DCLK1: variants seen among roughly 807,000 people sequenced by gnomAD.
The protein encoded by DCLK1 is doublecortin like kinase 1.
Under a neutral mutation model 86.2 loss-of-function variants are expected in DCLK1, and 16 were observed. The observed-to-expected ratio is 0.19, with a 90% CI of 0.13 to 0.28. The LOEUF (loss-of-function observed/expected upper bound fraction) is 0.28, where lower values mean the gene tolerates loss of function less well. Among genes scored for constraint, DCLK1 ranks in the 10% least tolerant of loss-of-function variants. The pLI is 1.00. For synonymous variants in DCLK1, 369 were observed against 370.5 expected (o/e 1.00, Z 0.05); for missense variants, 590 against 940.2 (o/e 0.63, Z 4.87).
chr13:36,089,326 C>A (rs1386359443), intron 3 of DCLK1, among the ~76,000 whole-genome samples: 1 of 152,178 alleles, frequency 6.6e-6, no homozygotes, highest in Non-Finnish European at 1.5e-5. Flanking sequence ...GGCCAGATGG[C>A]CTAGAGACCT....
At chr13:35,823,876 C>A (rs2087457113) in intron 10 of DCLK1, among the ~76,000 whole-genome samples, 1 of 152,240 alleles carries the variant, frequency 6.6e-6, no homozygotes, top group Admixed American at 6.5e-5. Context: ...CTCTGTGCCC[C>A]TGTACAGTCT....
chr13:35,942,549 C>A (rs988440327), intron 4 of DCLK1, among the ~76,000 whole-genome samples: 3 of 152,208 alleles, frequency 2.0e-5, no homozygotes, highest in African/African-American at 7.2e-5. Flanking sequence ...GGTGTGAAAC[C>A]TGTTCACTCT....
At chr13:36,045,316 ATATG>A (rs1411945753) in intron 3 of DCLK1, among the ~76,000 whole-genome samples, 13 of 73,760 alleles carry the variant, frequency 1.8e-4, no homozygotes, top group African/African-American at 7.5e-4. Context: ...ATATGTCTAT[ATATG>A]TGTGTGTGTG....
intron 5 of DCLK1, among the ~76,000 whole-genome samples, chr13:35,861,998 A>G (rs1220449092): frequency 7.6e-6 from 1 of 132,428 alleles, no homozygotes; most frequent in African/African-American, 2.8e-5. Flanking sequence ...CGCCCACCGC[A>G]CTCCAGCCTG....
chr13:36,127,809 T>A lies in DCLK1; in HGVS notation c.-19-1653A>T, dbSNP rs545258452. ...AGCTGACTGGAGGACCAGTTCATCC[T>A]TGCTGAGGGGTTGGTTGATAAAGGT... On this transcript the variant is annotated intron_variant, in intron 1 of 16. Coordinates refer to ENST00000360631, the MANE Select transcript of DCLK1 (RefSeq NM_001330071.2). Among the ~76,000 whole-genome samples the A allele has an allele frequency of 2.0e-5, 3 of 152,326 alleles. No homozygotes were observed. In the East Asian group the frequency reaches 5.8e-4, roughly 29 times the overall value.
chr13:36,111,746 T>A, intron 3 of DCLK1, 123 bp downstream of exon 3: 1 of 761,848 alleles, frequency 1.3e-6, no homozygotes, highest in Non-Finnish European at 2.1e-6. Flanking sequence ...AAGTACATAT[T>A]TGTTGATCAA....
At chr13:35,793,996 A>T (rs1399346602) in intron 15 of DCLK1, among the ~76,000 whole-genome samples, 2 of 152,220 alleles carry the variant, frequency 1.3e-5, no homozygotes, top group Non-Finnish European at 2.9e-5. Flanking sequence ...GCAGCCTTCC[A>T]GGCAGAAAGA....
chr13:36,130,066 A>G (rs1886309993), intron 1 of DCLK1, among the ~76,000 whole-genome samples: 1 of 152,176 alleles, frequency 6.6e-6, no homozygotes, highest in Admixed American at 6.5e-5. Flanking sequence ...ACTGGCATGA[A>G]ATAAAACGCA....
At chr13:35,851,937 A>G (rs1870673002) in intron 6 of DCLK1, among the ~76,000 whole-genome samples, 1 of 152,078 alleles carries the variant, frequency 6.6e-6, no homozygotes, top group Non-Finnish European at 1.5e-5. Flanking sequence ...TTGAGAAAAC[A>G]GCTCATGTTC....
At chr13:36,069,648 C>T (rs1307124596) in intron 3 of DCLK1, among the ~76,000 whole-genome samples, 1 of 152,180 alleles carries the variant, frequency 6.6e-6, no homozygotes, top group Admixed American at 6.5e-5. Flanking sequence ...CCCAGAGCCG[C>T]CACCTCTTCC....
At chr13:36,089,969 G>C (rs1018790379) in intron 3 of DCLK1, among the ~76,000 whole-genome samples, 3 of 152,102 alleles carry the variant, frequency 2.0e-5, no homozygotes, top group Admixed American at 2.0e-4. Context: ...AATTCCTATG[G>C]TCCCCAAGTG....
intron 2 of DCLK1, among the ~76,000 whole-genome samples, chr13:36,124,088 T>C (rs1222122606): frequency 1.3e-5 from 2 of 152,194 alleles, no homozygotes; most frequent in Non-Finnish European, 2.9e-5. Flanking sequence ...CATGGCTGTC[T>C]TAGGATGTGC....
chr13:35,989,482 G>A (rs1880112347), intron 3 of DCLK1, among the ~76,000 whole-genome samples: 1 of 152,088 alleles, frequency 6.6e-6, no homozygotes, highest in African/African-American at 2.4e-5. Context: ...ATGTTGGCCA[G>A]GCTGATCTTG....
rs1364916806 is a variant in DCLK1, at chr13:35,822,860, C to T, written c.1423G>A (p.Asp475Asn). ...TATTTGTTAGTGGAAGTAATGGCAT[C>T]AAAAAGGTCTCCCCCCTGAGAAGAG... is the stretch of plus-strand genomic sequence containing the variant. ...MELVKGGDLF[D>N]AITSTNKYTE... Residue 475 changes from aspartate to asparagine, a missense_variant, in exon 11 of 17, where the codon GAT becomes AAT. Asp to Asn is a conservative substitution (Grantham distance 23, BLOSUM62 1). Transcript: ENST00000360631. The T allele has an allele frequency of 2.5e-6, 4 of 1,613,328 alleles. No individual in the cohort carries two copies. The highest frequency in any genetic ancestry group is 1.7e-5 in the Admixed American group (1 of 59,832).
At chr13:35,791,290 C>T (rs1279997837) in intron 16 of DCLK1, among the ~76,000 whole-genome samples, 1 of 151,252 alleles carries the variant, frequency 6.6e-6, no homozygotes, top group Non-Finnish European at 1.5e-5. Flanking sequence ...AAAAAAAAAC[C>T]TCTGCAGCAG....
chr13:35,888,044 G>GC (rs1337088416), intron 4 of DCLK1, among the ~76,000 whole-genome samples: 1 of 151,998 alleles, frequency 6.6e-6, no homozygotes, highest in Admixed American at 6.6e-5. Context: ...CCAAAGTAAG[G>GC]CAGACATTTT....
At chr13:35,841,112 G>C (rs1279408223) in intron 6 of DCLK1, among the ~76,000 whole-genome samples, 1 of 152,162 alleles carries the variant, frequency 6.6e-6, no homozygotes. Context: ...CAGCACAAAT[G>C]GTATTTCATA....
At chr13:35,995,972 C>A (rs2153144783) in intron 3 of DCLK1, among the ~76,000 whole-genome samples, 1 of 151,942 alleles carries the variant, frequency 6.6e-6, no homozygotes. Flanking sequence ...GAGTTTCATT[C>A]ACTCTTGTTG....
At chr13:36,090,278 G>A (rs956221603) in intron 3 of DCLK1, among the ~76,000 whole-genome samples, 1 of 152,226 alleles carries the variant, frequency 6.6e-6, no homozygotes, top group Non-Finnish European at 1.5e-5. Flanking sequence ...CCTACAGTCC[G>A]ATAAGGACGC....
Sources: gnomAD v4.1 joint callset for allele counts (sites outside exome capture counted in the v4.1 genomes callset) on GRCh38, gnomAD v4.1.1 for gene constraint, MANE v1.5 for transcripts, NCBI Gene and HGNC (gene_info 2026-07-23, HGNC 2026-07-21) for gene names.